Variants in ROR1 observed in about 807,000 individuals in gnomAD.
ROR1 encodes ROR family WNT receptor 1.
Under a neutral mutation model 78.8 loss-of-function variants are expected in ROR1, and 19 were observed. The observed-to-expected ratio is 0.24, with a 90% CI of 0.17 to 0.35. ROR1 has a LOEUF of 0.35. ROR1 is among the 10% of genes least tolerant of loss of function. ROR1 has a pLI of 1.00. For missense variants in ROR1, 917 were observed against 1,177.8 expected (o/e 0.78, Z 3.24); for synonymous variants, 386 against 433.6 (o/e 0.89, Z 1.36).
At chr1:64,126,834 G>A (rs917733326) in intron 4 of ROR1, among the ~76,000 whole-genome samples, 1 of 152,132 alleles carries the variant, frequency 6.6e-6, no homozygotes, top group Non-Finnish European at 1.5e-5. Context: ...GTCCTTGTTG[G>A]ATGGAGGGAC....
intron 1 of ROR1, among the ~76,000 whole-genome samples, chr1:63,950,750 A>C (rs2100469670): frequency 6.6e-6 from 1 of 152,356 alleles, no homozygotes; most frequent in South Asian, 2.1e-4. Context: ...CCACAGGTGA[A>C]TGCAAGGGCA....
At chr1:63,866,619 G>A (rs1212189894) in intron 1 of ROR1, among the ~76,000 whole-genome samples, 1 of 151,160 alleles carries the variant, frequency 6.6e-6, no homozygotes, top group African/African-American at 2.4e-5. Context: ...TTTTTTTTTG[G>A]TTTTATTTTG....
chr1:63,843,274 A>G, intron 1 of ROR1: 1 of 1,475,414 alleles, frequency 6.8e-7, no homozygotes, highest in Non-Finnish European at 9.4e-7. Context: ...ACCTCCTTGT[A>G]GCAGTTTGTG....
intron 7 of ROR1, among the ~76,000 whole-genome samples, chr1:64,145,768 A>G (rs145208983): frequency 3.3e-5 from 5 of 152,360 alleles, no homozygotes; most frequent in African/African-American, 1.2e-4. Flanking sequence ...AGTCCAGGAT[A>G]AAAGCAGTAC....
chr1:64,125,622 G>C (rs1648684971), intron 4 of ROR1, among the ~76,000 whole-genome samples: 1 of 152,126 alleles, frequency 6.6e-6, no homozygotes, highest in Non-Finnish European at 1.5e-5. Context: ...GGGAGAGGTG[G>C]GGAGCCATGA....
At chr1:64,126,640 A>G (rs1201561362) in intron 4 of ROR1, among the ~76,000 whole-genome samples, 1 of 152,228 alleles carries the variant, frequency 6.6e-6, no homozygotes, top group East Asian at 1.9e-4. Context: ...TTGTATGGAA[A>G]TAACCTTGTT....
chr1:64,090,561 A>T (rs893513003), intron 4 of ROR1, among the ~76,000 whole-genome samples: 1 of 152,216 alleles, frequency 6.6e-6, no homozygotes, highest in African/African-American at 2.4e-5. Context: ...CAGGGAAATG[A>T]CCCAAAAGCT....
chr1:64,058,426 A>T (rs148505095), intron 4 of ROR1, among the ~76,000 whole-genome samples: 1 of 151,998 alleles, frequency 6.6e-6, no homozygotes, highest in Non-Finnish European at 1.5e-5. Context: ...TAGTGAAAAG[A>T]TTTCAGTCTT....
intron 1 of ROR1, among the ~76,000 whole-genome samples, chr1:63,824,854 C>A (rs900515843): frequency 1.3e-5 from 2 of 152,052 alleles, no homozygotes; most frequent in Non-Finnish European, 2.9e-5. Context: ...ATATATAGGG[C>A]TTACGTATGT....
chr1:64,040,178 A>T (rs563430215), intron 2 of ROR1, among the ~76,000 whole-genome samples: 1 of 152,326 alleles, frequency 6.6e-6, no homozygotes, highest in South Asian at 2.1e-4. Context: ...TTTAGTTTTT[A>T]AAAATTTAGC....
chr1:63,900,791 T>C (rs1645479144), intron 1 of ROR1, among the ~76,000 whole-genome samples: 1 of 152,188 alleles, frequency 6.6e-6, no homozygotes, highest in South Asian at 2.1e-4. Flanking sequence ...TATGTATCTG[T>C]TTTGAAATGT....
intron 1 of ROR1, among the ~76,000 whole-genome samples, chr1:63,803,368 G>A (rs1644807751): frequency 6.6e-6 from 1 of 150,508 alleles, no homozygotes; most frequent in South Asian, 2.1e-4. Context: ...TTTTGAGATG[G>A]ACTCTCGCTC....
intron 1 of ROR1, among the ~76,000 whole-genome samples, chr1:63,828,770 TCTC>T (rs1163045511): frequency 6.6e-6 from 1 of 152,152 alleles, no homozygotes; most frequent in African/African-American, 2.4e-5. Flanking sequence ...TAGCTACTAT[TCTC>T]CTCTCCAAGA....
chr1:64,138,238 A>G (rs570227784), intron 5 of ROR1, among the ~76,000 whole-genome samples: 110 of 152,286 alleles, frequency 7.2e-4, no homozygotes, highest in African/African-American at 2.6e-3. Context: ...ATCCATTCAC[A>G]TTGTCTTCAT....
chr1:64,164,171 G>C (rs1416649856), intron 8 of ROR1, among the ~76,000 whole-genome samples: 1 of 152,000 alleles, frequency 6.6e-6, no homozygotes, highest in Non-Finnish European at 1.5e-5. Context: ...TTCATCCTCT[G>C]GCATTGCTCT....
intron 1 of ROR1, among the ~76,000 whole-genome samples, chr1:63,937,363 C>T (rs1368020704): frequency 1.3e-5 from 2 of 152,204 alleles, no homozygotes; most frequent in African/African-American, 2.4e-5. Flanking sequence ...TGCTCTTCTT[C>T]CACTCTAGGA....
chr1:64,036,252 C>T (rs548314075), intron 2 of ROR1, among the ~76,000 whole-genome samples: 5 of 152,182 alleles, frequency 3.3e-5, no homozygotes, highest in Non-Finnish European at 7.3e-5. Flanking sequence ...GCCATCCATC[C>T]ATCCATCCAC....
chr1:63,928,038 C>T (rs1361025608), intron 1 of ROR1, among the ~76,000 whole-genome samples: 2 of 149,988 alleles, frequency 1.3e-5, no homozygotes, highest in Non-Finnish European at 2.9e-5. Context: ...TGAGGCTGCT[C>T]TGAGTACCTG....
At chr1:63,911,811 C>A (rs1047450468) in intron 1 of ROR1, among the ~76,000 whole-genome samples, 1 of 152,088 alleles carries the variant, frequency 6.6e-6, no homozygotes, top group Non-Finnish European at 1.5e-5. Context: ...AACACTTGGA[C>A]CTGTACAAGA....
Sources: gnomAD v4.1 joint callset for allele counts (sites outside exome capture counted in the v4.1 genomes callset) on GRCh38, gnomAD v4.1.1 for gene constraint, MANE v1.5 for transcripts, NCBI Gene and HGNC (gene_info 2026-07-23, HGNC 2026-07-21) for gene names.